Variants in BNIP5 observed in about 807,000 individuals in gnomAD.
The protein encoded by BNIP5 is BCL2 interacting protein 5.
BNIP5 carries 61 observed loss-of-function variants against 67.3 expected under a neutral mutation model. The observed-to-expected ratio is 0.91, with a 90% CI of 0.74 to 1.12. The LOEUF (loss-of-function observed/expected upper bound fraction) is 1.12, where lower values mean the gene tolerates loss of function less well. Among genes scored for constraint, BNIP5 ranks in the 50% most tolerant of loss-of-function variants. The probability of loss-of-function intolerance (pLI) is 0.00; values close to 1 mark genes in which losing one functional copy is unlikely to be tolerated. For missense variants in BNIP5, 826 were observed against 816.3 expected (o/e 1.01, Z -0.14); for synonymous variants, 317 against 319.0 (o/e 0.99, Z 0.07).
At position 36,336,792 on chromosome 6, in the gene BNIP5, T is replaced by G. The variant is rs1471622791; in HGVS notation, c.-85A>C. ...AAGAGGTCTCTGTGTTAGGCTCTGC[T>G]CCCTGTCAGCTGGAAGTTGTGTCCA... On this transcript the variant is annotated 5_prime_UTR_variant, in exon 1 of 12. Transcript: ENST00000437635. 2.0e-5 allele frequency: 3 copies of G among 152,234 alleles called. No homozygotes were observed. Among genetic ancestry groups the G allele is most frequent in the African/African-American group, 7.2e-5 (3 of 41,436 alleles). The allele number at this position is 152,234 out of a possible 1,614,324, so 9.4% of individuals were successfully genotyped here.
In BNIP5 at chr6:36,324,208, G is replaced by A. The variant is rs7751919; in HGVS notation, c.1169-18C>T. ...GAATTCTTCTGAAAAAGATCAACAC[G>A]CATGGTTAACTTTGGTGCTACGAAA... On this transcript the variant is annotated intron_variant, in intron 6 of 11. Coordinates refer to ENST00000437635, the MANE Select transcript of BNIP5 (RefSeq NM_001010903.5). 120,187 of 1,605,410 alleles carry A rather than the reference G, an allele frequency of 0.075. 5,088 individuals carry two copies. The highest frequency in any genetic ancestry group is 0.17 in the African/African-American group (12,670 of 74,610).
chr6:36,328,519 A>G, intron 3 of BNIP5, 79 bp downstream of exon 3: 1 of 871,376 alleles, frequency 1.1e-6, no homozygotes, highest in South Asian at 1.4e-5. Context: ...GGTCTCAGTA[A>G]TCATTCAGAA....
At chr6:36,323,642 A>T in intron 7 of BNIP5, 109 bp from the exon 8 acceptor site, 1 of 1,246,948 alleles carries the variant, frequency 8.0e-7, no homozygotes, top group Non-Finnish European at 1.1e-6. Context: ...CCCAGAGAAG[A>T]GTGGTTGATG....
rs1043335208 is a variant in BNIP5, at chr6:36,316,152, C to T, written c.*1204G>A. ...TCCTCCCCAGTCCTACCCCATGGTG[C>T]GACAGCAGGTTCAACACGGCAATAC... On this transcript the variant is annotated 3_prime_UTR_variant, in exon 12 of 12. Transcript: ENST00000437635. 1.1e-5 allele frequency: 2 copies of T among 184,888 alleles called. No individual in the cohort carries two copies. The highest frequency in any genetic ancestry group is 2.2e-5 in the Non-Finnish European group (2 of 89,942). The allele number at this position is 184,888 out of a possible 1,614,324, so 11.5% of individuals were successfully genotyped here.
rs545945413 is a variant in BNIP5 at position 36,316,294 on chromosome 6, C to T, written c.*1062G>A. 2.6e-6 allele frequency: 1 copy of T among 390,024 alleles called. No individual in the cohort carries two copies. The highest frequency in any genetic ancestry group is 3.6e-5 in the East Asian group (1 of 27,572). The allele number at this position is 390,024 out of a possible 1,614,324, so 24.2% of individuals were successfully genotyped here. ...CCGACTGTCTGTCTACAGTCTTGTC[C>T]TTCCTGCACATAGATATGAACATGT... On this transcript the variant is annotated 3_prime_UTR_variant, in exon 12 of 12. Transcript: ENST00000437635.
Position 36,326,614 on chromosome 6 carries a change from CT to C in BNIP5, c.931del (p.Arg311GlyfsTer111). 1 of 1,614,264 alleles carries C rather than the reference CT, an allele frequency of 6.2e-7. No homozygotes were observed. The highest frequency in any genetic ancestry group is 2.2e-5 in the East Asian group (1 of 44,886). ...TGGACTGGAAACATCTGCAGCCCCC[CT>C]CTTGGCCTCCTCGGAGCCGTGTTTC... ...PKKHGSEEAK[R>X]GAADVSSPEA... On this transcript the variant is annotated frameshift_variant, in exon 5 of 12. Coordinates refer to ENST00000437635, the MANE Select transcript of BNIP5 (RefSeq NM_001010903.5). LOFTEE classifies it high-confidence loss of function.
intron 10 of BNIP5, among the ~76,000 whole-genome samples, chr6:36,320,542 C>T (rs1771611580): frequency 1.3e-5 from 2 of 152,240 alleles, no homozygotes; most frequent in African/African-American, 2.4e-5. Flanking sequence ...GGCCAGCGTG[C>T]ACTCTGGTGG....
chr6:36,324,043 G>A (rs1326606572), intron 7 of BNIP5, 86 bp downstream of exon 7: 17 of 961,860 alleles, frequency 1.8e-5, no homozygotes, highest in Non-Finnish European at 2.7e-5. Flanking sequence ...ACACAGAAGA[G>A]CAGCAGAGAC....
At chr6:36,325,533 G>C (rs916791457) in intron 5 of BNIP5, 119 bp from the exon 6 acceptor site, 3 of 1,251,322 alleles carry the variant, frequency 2.4e-6, no homozygotes, top group East Asian at 4.8e-5. Context: ...GGACTTATGG[G>C]GCTGGAAGAC....
At chr6:36,333,942 C>T (rs1771958544) in intron 1 of BNIP5, among the ~76,000 whole-genome samples, 1 of 152,228 alleles carries the variant, frequency 6.6e-6, no homozygotes, top group Non-Finnish European at 1.5e-5. Flanking sequence ...TTCAGCTCAG[C>T]CTCTCTTCCG....
Position 36,324,153 on chromosome 6 carries a change from A to G in BNIP5, c.1206T>C (p.Asp402=), listed in dbSNP as rs766711008. Reference sequence around the variant, plus strand: ...CCTCCTCTCCTTGCTGTTCTTCTGCATCTTGGAGCATGGAAATGATCTTCT... The same window carrying G: ...CCTCCTCTCCTTGCTGTTCTTCTGCGTCTTGGAGCATGGAAATGATCTTCT... ...FIQKIISMLQ[D]AEEQQGEEQP... Residue 402 remains aspartate (D), a synonymous_variant, in exon 7 of 12, where the codon GAT becomes GAC. Transcript: ENST00000437635. 3 of 1,614,034 alleles carry G rather than the reference A, an allele frequency of 1.9e-6. No individual in the cohort carries two copies. Among genetic ancestry groups the G allele is most frequent in the Non-Finnish European group, 2.5e-6 (3 of 1,179,938 alleles).
intron 9 of BNIP5, 72 bp downstream of exon 9, chr6:36,322,239 T>C: frequency 1.3e-6 from 2 of 1,583,110 alleles, no homozygotes; most frequent in Admixed American, 1.7e-5. Context: ...CATCCCCTAT[T>C]CAGCCTGTGA....
At chr6:36,320,757 C>T (rs1297845415) in intron 10 of BNIP5, among the ~76,000 whole-genome samples, 1 of 152,108 alleles carries the variant, frequency 6.6e-6, no homozygotes, top group Admixed American at 6.5e-5. Context: ...ACGGCAAGAC[C>T]GAGAGTGAAC....
intron 8 of BNIP5, 59 bp downstream of exon 8, chr6:36,323,234 C>G: frequency 6.2e-7 from 1 of 1,606,552 alleles, no homozygotes; most frequent in Non-Finnish European, 8.5e-7. Context: ...AGACAGGCCA[C>G]ACAGCAGCCT....
At chr6:36,335,587 G>A (rs1184920629) in intron 1 of BNIP5, among the ~76,000 whole-genome samples, 1 of 152,184 alleles carries the variant, frequency 6.6e-6, no homozygotes, top group Non-Finnish European at 1.5e-5. Context: ...AGCCTGGGAG[G>A]CTCTCAGTGT....
At chr6:36,323,703 A>G (rs1771689782) in intron 7 of BNIP5, among the ~76,000 whole-genome samples, 170 bp from the exon 8 acceptor site, 1 of 152,150 alleles carries the variant, frequency 6.6e-6, no homozygotes, top group Admixed American at 6.5e-5. Flanking sequence ...GGAAGCTTCA[A>G]GAAGGAGGGA....
chr6:36,317,562 CCAGA>C (rs1186222791), intron 11 of BNIP5, among the ~76,000 whole-genome samples, 171 bp from the exon 12 acceptor site: 1 of 152,178 alleles, frequency 6.6e-6, no homozygotes, highest in Non-Finnish European at 1.5e-5. Flanking sequence ...TCCTTTCTCC[CCAGA>C]CAGCCTCCCC....
At chr6:36,326,954 G>A (rs1294420876) in intron 4 of BNIP5, 76 bp downstream of exon 4, 10 of 1,460,870 alleles carry the variant, frequency 6.8e-6, no homozygotes, top group African/African-American at 1.4e-5. Context: ...CGGCCTGCAA[G>A]GACAGGTGGA....
chr6:36,323,382 GCC>G lies in BNIP5; in HGVS notation c.1380_1381del (p.Ala461CysfsTer30). 1 of 1,614,292 alleles carries G rather than the reference GCC, an allele frequency of 6.2e-7. No homozygotes were observed. The highest frequency in any genetic ancestry group is 8.5e-7 in the Non-Finnish European group (1 of 1,180,058). ...GGGTCGTCGGGCCTCTGGGCTGGCAGCCCCTGCTGCCCCCGCTCTTCTGGGTT... is the reference window on the plus strand; with the variant it reads ...GGGTCGTCGGGCCTCTGGGCTGGCAGCCTGCTGCCCCCGCTCTTCTGGGTT... On this transcript the variant is annotated frameshift_variant, in exon 8 of 12. Coordinates refer to ENST00000437635, the MANE Select transcript of BNIP5 (RefSeq NM_001010903.5). LOFTEE classifies it high-confidence loss of function.
Sources: allele counts gnomAD v4.1 joint callset (sites outside exome capture counted in the v4.1 genomes callset), GRCh38; gene constraint gnomAD v4.1.1; transcripts MANE v1.5; gene names NCBI Gene and HGNC (gene_info 2026-07-23, HGNC 2026-07-21).